TCF7L1: variants seen among roughly 807,000 people sequenced by gnomAD.
The protein encoded by TCF7L1 is transcription factor 7-like 1.
A neutral mutation model predicts 63.7 loss-of-function variants in TCF7L1; 18 were observed. The ratio of observed to expected loss-of-function variants is 0.28; its 90% CI spans 0.20 to 0.42. The LOEUF (loss-of-function observed/expected upper bound fraction) is 0.42. Ranked by LOEUF, TCF7L1 falls within the 10% of genes least tolerant of loss-of-function variation. The pLI is 1.00. For synonymous variants in TCF7L1, 355 were observed against 340.9 expected (o/e 1.04, Z -0.46); for missense variants, 654 against 779.3 (o/e 0.84, Z 1.91).
chr2:85,241,459 T>G (rs1161826260), intron 3 of TCF7L1, among the ~76,000 whole-genome samples: 2 of 141,176 alleles, frequency 1.4e-5, no homozygotes, highest in African/African-American at 2.6e-5. Context: ...TTTTTTTTTT[T>G]TTTTTTGAGA....
chr2:85,215,097 A>G (rs1384264556), intron 3 of TCF7L1, among the ~76,000 whole-genome samples: 2 of 152,168 alleles, frequency 1.3e-5, no homozygotes, highest in Non-Finnish European at 2.9e-5. Flanking sequence ...CAATTAGATG[A>G]GATTCCTGGG....
At chr2:85,255,976 C>G (rs1277480331) in intron 3 of TCF7L1, among the ~76,000 whole-genome samples, 1 of 152,180 alleles carries the variant, frequency 6.6e-6, no homozygotes, top group African/African-American at 2.4e-5. Flanking sequence ...TAATCTGCAG[C>G]CCCTGAGAAG....
chr2:85,256,791 C>A (rs913400250), intron 3 of TCF7L1, among the ~76,000 whole-genome samples: 1 of 152,126 alleles, frequency 6.6e-6, no homozygotes, highest in South Asian at 2.1e-4. Context: ...TCGAGACCAG[C>A]CTGGCCAACA....
Position 85,260,206 on chromosome 2 carries a change from T to C in TCF7L1, c.442-23289T>C, listed in dbSNP as rs576379894. Among the ~76,000 whole-genome samples the C allele has an allele frequency of 5.9e-5, 9 of 152,340 alleles. No individual in the cohort carries two copies. In the South Asian group the frequency reaches 1.9e-3, roughly 32 times the overall value. ...AGAAATGATGATCATAGCTGATAGC[T>C]GTCAAGTGCTTACAGCGAACCAGAT... is the stretch of plus-strand genomic sequence containing the variant. On this transcript the variant is annotated intron_variant, in intron 3 of 11. Transcript: ENST00000282111.
chr2:85,185,949 C>T (rs1206760967), intron 3 of TCF7L1, among the ~76,000 whole-genome samples: 1 of 145,650 alleles, frequency 6.9e-6, no homozygotes, highest in Non-Finnish European at 1.5e-5. Flanking sequence ...AGTCAGGAGA[C>T]AACACAGGGG....
At chr2:85,194,273 A>G (rs2104269098) in intron 3 of TCF7L1, among the ~76,000 whole-genome samples, 2 of 152,288 alleles carry the variant, frequency 1.3e-5, no homozygotes, top group East Asian at 3.9e-4. Flanking sequence ...CACACCTGTA[A>G]TCCCAGCACT....
chr2:85,234,541 T>C (rs962320809), intron 3 of TCF7L1, among the ~76,000 whole-genome samples: 1 of 152,176 alleles, frequency 6.6e-6, no homozygotes, highest in African/African-American at 2.4e-5. Context: ...TTTCAAAAGA[T>C]TGATTTCACG....
At chr2:85,235,575 C>G (rs547933566) in intron 3 of TCF7L1, among the ~76,000 whole-genome samples, 55 of 152,116 alleles carry the variant, frequency 3.6e-4, no homozygotes, top group Admixed American at 1.4e-3. Flanking sequence ...TAATCCCTAC[C>G]TGCAGCCCAG....
chr2:85,253,783 C>A (rs1680645546), intron 3 of TCF7L1, among the ~76,000 whole-genome samples: 1 of 152,246 alleles, frequency 6.6e-6, no homozygotes, highest in South Asian at 2.1e-4. Context: ...AGTTAAACCA[C>A]CACACAATCT....
chr2:85,205,019 C>T (rs981091040), intron 3 of TCF7L1: 3 of 151,500 alleles, frequency 2.0e-5, no homozygotes, highest in Non-Finnish European at 2.9e-5. Flanking sequence ...ATTTGTGAAG[C>T]GTTTCATATT....
intron 3 of TCF7L1, among the ~76,000 whole-genome samples, chr2:85,223,748 A>G (rs1453024278): frequency 6.6e-6 from 1 of 152,018 alleles, no homozygotes; most frequent in East Asian, 1.9e-4. Context: ...CCCTACAGCA[A>G]CCCTCCCATG....
chr2:85,139,666 T>G (rs1049835639), intron 3 of TCF7L1, among the ~76,000 whole-genome samples: 4 of 152,140 alleles, frequency 2.6e-5, no homozygotes, highest in Non-Finnish European at 5.9e-5. Context: ...GAGGAGGCAT[T>G]TAGAGTGAAA....
At chr2:85,284,231 C>T (rs531640230) in intron 4 of TCF7L1, among the ~76,000 whole-genome samples, 1 of 152,252 alleles carries the variant, frequency 6.6e-6, no homozygotes, top group Non-Finnish European at 1.5e-5. Context: ...AGGATGGTCT[C>T]GATCTCCTGA....
At chr2:85,207,484 C>T (rs558918487) in intron 3 of TCF7L1, among the ~76,000 whole-genome samples, 11 of 152,144 alleles carry the variant, frequency 7.2e-5, no homozygotes, top group Admixed American at 4.6e-4. Context: ...ACACAGCTGC[C>T]GGCTAGCTAT....
At chr2:85,149,804 C>T (rs148821779) in intron 3 of TCF7L1, among the ~76,000 whole-genome samples, 174 of 152,208 alleles carry the variant, frequency 1.1e-3, no homozygotes, top group African/African-American at 3.9e-3. Context: ...GGATTACAGG[C>T]GTGAGCCACC....
chr2:85,135,243 C>A (rs1167985574), intron 3 of TCF7L1, among the ~76,000 whole-genome samples: 3 of 152,148 alleles, frequency 2.0e-5, no homozygotes, highest in Non-Finnish European at 2.9e-5. Flanking sequence ...TCCCGCCCCC[C>A]GCGTTGCGAG....
intron 3 of TCF7L1, chr2:85,233,887 A>C (rs1042391886): frequency 5.3e-5 from 8 of 152,104 alleles, no homozygotes; most frequent in Non-Finnish European, 1.0e-4. Context: ...ACATTGCTGC[A>C]GGTATTAGTA....
intron 5 of TCF7L1, 197 bp from the exon 6 acceptor site, chr2:85,303,698 G>T: frequency 2.1e-6 from 1 of 472,682 alleles, no homozygotes; most frequent in Non-Finnish European, 3.8e-6. Context: ...GGGTGCATTA[G>T]TCCTGCCTCC....
intron 3 of TCF7L1, among the ~76,000 whole-genome samples, chr2:85,240,275 C>G (rs1680293836): frequency 6.6e-6 from 1 of 152,198 alleles, no homozygotes; most frequent in Non-Finnish European, 1.5e-5. Context: ...CCTGCACCTC[C>G]CTCTCTCACA....
Sources: allele counts gnomAD v4.1 joint callset (sites outside exome capture counted in the v4.1 genomes callset), GRCh38; gene constraint gnomAD v4.1.1; transcripts MANE v1.5; gene names NCBI Gene and HGNC (gene_info 2026-07-23, HGNC 2026-07-21).